Variants in SPATA17 observed in about 807,000 individuals in gnomAD.
The protein encoded by SPATA17 is spermatogenesis associated 17.
A neutral mutation model predicts 62.2 loss-of-function variants in SPATA17; 53 were observed. The ratio of observed to expected loss-of-function variants is 0.85; its 90% CI spans 0.68 to 1.07. The LOEUF (loss-of-function observed/expected upper bound fraction) is 1.07. SPATA17 is among the 50% of genes least tolerant of loss of function. The pLI is 0.00. For synonymous variants in SPATA17, 146 were observed against 146.8 expected (o/e 0.99, Z 0.04); for missense variants, 466 against 425.5 (o/e 1.10, Z -0.84).
chr1:217,749,092 G>C (rs570949837), intron 6 of SPATA17, among the ~76,000 whole-genome samples: 6 of 152,118 alleles, frequency 3.9e-5, no homozygotes, highest in Non-Finnish European at 8.8e-5. Context: ...ATATGTCTTT[G>C]TATGTTTGGT....
rs770716246 is a variant in SPATA17, at chr1:217,648,908, A to G, written c.95A>G (p.Glu32Gly). The change falls in exon 2 of 11, where the codon GAG (glutamate) becomes GGG (glycine). Residue 32 changes from glutamate (E) to glycine (G), a missense_variant. Transcript: ENST00000366933. ...NSVVDPFRKK[E>G]NDAAVKIQSW... ...GTTGTAGATCCATTTAGAAAAAAGG[A>G]GAATGATGCAGCAGTTAAAATCCAA... 8 of 1,608,950 alleles carry G rather than the reference A, an allele frequency of 5.0e-6. No individual in the cohort carries two copies. The South Asian group carries it at 8.9e-5, about 18-fold the overall frequency.
rs191833439 is a variant in SPATA17 at position 217,770,456 on chromosome 1, G to A, written c.520-3878G>A. On this transcript the variant is annotated intron_variant, in intron 6 of 10. Coordinates refer to ENST00000366933, the MANE Select transcript of SPATA17 (RefSeq NM_138796.4). ...TCTGTTATGGTAAAATATGAAATTA[G>A]AACATTAGTAATTGTGATCTGGGAA... Among the ~76,000 whole-genome samples the A allele has an allele frequency of 4.9e-4, 75 of 152,220 alleles. 1 individual carries two copies. The East Asian group carries it at 0.013, about 27-fold the overall frequency.
chr1:217,863,902 A>C lies in SPATA17; in HGVS notation c.*2+1046A>C, dbSNP rs561709024. 2.0e-5 allele frequency among the ~76,000 whole-genome samples: 3 copies of C among 152,306 alleles called. No individual in the cohort carries two copies. The East Asian group carries it at 5.8e-4, about 30-fold the overall frequency. ...ATCCCCCAGCTATCCTCTCAGACCA[A>C]GAACCAAGGAGAAAGCACTAGGCTG... On this transcript the variant is annotated intron_variant, in intron 10 of 10. Transcript: ENST00000366933.
At chr1:217,639,516 C>A (rs1670009427) in intron 1 of SPATA17, among the ~76,000 whole-genome samples, 1 of 151,952 alleles carries the variant, frequency 6.6e-6, no homozygotes. Context: ...ATAATAGAGA[C>A]AACAATGAGC....
At chr1:217,754,235 AAAAC>A (rs897505748) in intron 6 of SPATA17, among the ~76,000 whole-genome samples, 1 of 152,170 alleles carries the variant, frequency 6.6e-6, no homozygotes, top group African/African-American at 2.4e-5. Flanking sequence ...ACCCTGTCTC[AAAAC>A]AAACAAACAA....
At chr1:217,812,673 C>T (rs752860889) in intron 9 of SPATA17, among the ~76,000 whole-genome samples, 14 of 151,978 alleles carry the variant, frequency 9.2e-5, no homozygotes, top group African/African-American at 1.4e-4. Context: ...AGAATCTACC[C>T]GTCAGTCATT....
intron 3 of SPATA17, among the ~76,000 whole-genome samples, chr1:217,661,468 A>G (rs1429948569): frequency 6.6e-6 from 1 of 152,152 alleles, no homozygotes. Context: ...GTGACATCAA[A>G]TAGCTTATCA....
chr1:217,699,275 C>G (rs1290836770), intron 5 of SPATA17, among the ~76,000 whole-genome samples: 1 of 152,166 alleles, frequency 6.6e-6, no homozygotes, highest in East Asian at 1.9e-4. Flanking sequence ...CTACAGGGAA[C>G]TGTAAAACTG....
At chr1:217,771,881 A>C (rs1276442625) in intron 6 of SPATA17, among the ~76,000 whole-genome samples, 2 of 152,296 alleles carry the variant, frequency 1.3e-5, no homozygotes, top group Admixed American at 6.5e-5. Context: ...GAGTAAAGTT[A>C]ATAGCTGGTA....
intron 5 of SPATA17, among the ~76,000 whole-genome samples, chr1:217,714,641 G>C (rs1363121326): frequency 1.3e-5 from 2 of 151,616 alleles, no homozygotes; most frequent in African/African-American, 2.4e-5. Flanking sequence ...CCGCCAGCAC[G>C]CCCGGCTAAT....
chr1:217,704,298 C>T (rs1278595882), intron 5 of SPATA17, among the ~76,000 whole-genome samples: 1 of 126,834 alleles, frequency 7.9e-6, no homozygotes. Flanking sequence ...GGCCGGACTG[C>T]GGACTGCAGT....
At chr1:217,831,484 T>A (rs1394207176) in intron 9 of SPATA17, among the ~76,000 whole-genome samples, 3 of 152,112 alleles carry the variant, frequency 2.0e-5, no homozygotes, top group Non-Finnish European at 2.9e-5. Context: ...ATTTTCTCTA[T>A]CTCCTTCCTT....
At chr1:217,801,888 T>G in intron 9 of SPATA17, 38 bp downstream of exon 9, 1 of 1,557,918 alleles carries the variant, frequency 6.4e-7, no homozygotes, top group Admixed American at 2.0e-5. Flanking sequence ...TATTCCTTTT[T>G]AAAAGCTAGA....
At chr1:217,744,970 C>G (rs570680501) in intron 6 of SPATA17, among the ~76,000 whole-genome samples, 2 of 152,184 alleles carry the variant, frequency 1.3e-5, no homozygotes, top group Non-Finnish European at 2.9e-5. Context: ...TAGAATTTAA[C>G]CACAGATAAA....
intron 6 of SPATA17, among the ~76,000 whole-genome samples, chr1:217,761,794 T>A (rs769851380): frequency 2.6e-5 from 4 of 152,178 alleles, no homozygotes; most frequent in African/African-American, 7.2e-5. Flanking sequence ...GAGGAAGATG[T>A]CCCAGAAAGT....
At chr1:217,862,452 C>T (rs1675916490) in intron 9 of SPATA17, among the ~76,000 whole-genome samples, 1 of 152,138 alleles carries the variant, frequency 6.6e-6, no homozygotes. Context: ...AAGTACCAAT[C>T]CCTATGAAGC....
chr1:217,686,709 A>T (rs570365039), intron 5 of SPATA17, among the ~76,000 whole-genome samples: 27 of 152,262 alleles, frequency 1.8e-4, no homozygotes, highest in Non-Finnish European at 1.9e-4. Context: ...AGAAATAAAC[A>T]CTATTAACTT....
At chr1:217,768,571 AACCTCC>A (rs377281744) in intron 6 of SPATA17, among the ~76,000 whole-genome samples, 89 of 151,212 alleles carry the variant, frequency 5.9e-4, no homozygotes, top group African/African-American at 1.9e-3. Flanking sequence ...AGCTCACTGC[AACCTCC>A]ACCTCCTGGG....
At chr1:217,789,262 A>T (rs138604137) in intron 8 of SPATA17, among the ~76,000 whole-genome samples, 32 of 152,298 alleles carry the variant, frequency 2.1e-4, no homozygotes, top group African/African-American at 7.0e-4. Context: ...AGCATAGCAG[A>T]ACTAATAACT....
Sources: gnomAD v4.1 joint callset for allele counts (sites outside exome capture counted in the v4.1 genomes callset) on GRCh38, gnomAD v4.1.1 for gene constraint, MANE v1.5 for transcripts, NCBI Gene and HGNC (gene_info 2026-07-23, HGNC 2026-07-21) for gene names.